Variants in ANAPC13 observed in about 807,000 individuals in gnomAD.
ANAPC13 encodes the protein anaphase-promoting complex subunit 13.
ANAPC13 carries 9 observed loss-of-function variants against 9.6 expected under a neutral mutation model. That is an observed-to-expected ratio of 0.94 (90% CI 0.57 to 1.64). The LOEUF is 1.64. Among genes scored for constraint, ANAPC13 ranks in the 40% most tolerant of loss-of-function variants. The pLI is 0.00. For synonymous variants in ANAPC13, 30 were observed against 29.7 expected, an observed-to-expected ratio of 1.01 and a Z score of -0.03; for missense variants, 75 against 85.3, an observed-to-expected ratio of 0.88 and a Z score of 0.48.
chr3:134,478,704 A>G lies in ANAPC13; in HGVS notation c.111T>C (p.Pro37=). 1 of 1,613,932 alleles carries G rather than the reference A, an allele frequency of 6.2e-7. No homozygotes were observed. Among genetic ancestry groups the G allele is most frequent in the Non-Finnish European group, 8.5e-7 (1 of 1,179,978 alleles). Residue 37 remains proline (P), a synonymous_variant, in exon 3 of 3, where the codon CCT becomes CCC. Transcript: ENST00000354910. ...EDVAIPLNEL[P]EPEQDNGGTT... ...TGCCACCATTGTCTTGTTCAGGTTC[A>G]GGAAGCTCATTCTGAAAAGGTACAA...
rs1934659124 is a variant in ANAPC13 at position 134,478,408 on chromosome 3, C to T, written c.*182G>A. On this transcript the variant is annotated 3_prime_UTR_variant, in exon 3 of 3. Coordinates refer to ENST00000354910, the MANE Select transcript of ANAPC13 (RefSeq NM_015391.4). The stretch of plus-strand genomic sequence containing the variant: ...TTAGGTTTAAAGAGCGAAATATTCA[C>T]CATTACTGAGAAATCTCAGTTTCTC... The T allele has an allele frequency of 2.6e-6, 2 of 761,342 alleles. No individual in the cohort carries two copies. The highest frequency in any genetic ancestry group is 4.2e-6 in the Non-Finnish European group (2 of 473,416). 47.2% of individuals were successfully genotyped at this position (761,342 alleles called of 1,614,324 possible). A position where few individuals can be genotyped will look rare whatever the true frequency, so the allele number is the denominator to read the frequency against.
Position 134,482,871 on chromosome 3 carries a change from A to G in ANAPC13, c.34T>C (p.Leu12=), listed in dbSNP as rs200574595. 13 of 1,614,080 alleles carry G rather than the reference A, an allele frequency of 8.1e-6. No homozygotes were observed. In the East Asian group the frequency reaches 2.5e-4, roughly 30 times the overall value. ...CGCCAAGCATCATCAATCAAATCCA[A>G]GATCCTTCCATCTCTCTGAACCTCA... The part of the protein sequence containing the change: ...DSEVQRDGRI[L]DLIDDAWRED... The change falls in exon 2 of 3, where the codon TTG becomes CTG. Residue 12 remains leucine, a synonymous_variant. Transcript: ENST00000354910.
intron 2 of ANAPC13, among the ~76,000 whole-genome samples, chr3:134,479,041 G>C (rs1279548647): frequency 6.6e-6 from 1 of 152,108 alleles, no homozygotes; most frequent in Non-Finnish European, 1.5e-5. Context: ...GGGTTACTTG[G>C]GCAAGGTATG....
intron 2 of ANAPC13, among the ~76,000 whole-genome samples, chr3:134,478,997 A>C (rs934719767): frequency 1.3e-5 from 2 of 152,234 alleles, no homozygotes; most frequent in East Asian, 1.9e-4. Flanking sequence ...TTGGAAGCCA[A>C]CTAGGATCCA....
At chr3:134,479,753 C>T (rs1048588169) in intron 2 of ANAPC13, among the ~76,000 whole-genome samples, 5 of 152,160 alleles carry the variant, frequency 3.3e-5, no homozygotes, top group Admixed American at 1.3e-4. Context: ...CAACAAAAAA[C>T]ACAACAAATG....
At position 134,485,964 on chromosome 3, in the gene ANAPC13, A is replaced by C. The variant is rs1576625786; in HGVS notation, c.-40T>G. The C allele has an allele frequency of 1.2e-4, 118 of 963,254 alleles. No individual in the cohort carries two copies. The highest frequency in any genetic ancestry group is 1.1e-3 in the Middle Eastern group (2 of 1,886). 59.7% of individuals were successfully genotyped at this position (963,254 alleles called of 1,614,324 possible). Reference sequence around the variant, plus strand: ...TGGAAACCCTTACCGGCACCCGGCCACCGCGGCAGACGCTTGCTCCTGCCA... The same window carrying C: ...TGGAAACCCTTACCGGCACCCGGCCCCCGCGGCAGACGCTTGCTCCTGCCA... On this transcript the variant is annotated 5_prime_UTR_variant, in exon 1 of 3. Coordinates refer to ENST00000354910, the MANE Select transcript of ANAPC13 (RefSeq NM_015391.4).
At chr3:134,484,330 A>G (rs1168820284) in intron 1 of ANAPC13, among the ~76,000 whole-genome samples, 1 of 152,020 alleles carries the variant, frequency 6.6e-6, no homozygotes, top group East Asian at 1.9e-4. Flanking sequence ...CAGTGAGCCG[A>G]GATAGCGCCA....
At chr3:134,479,418 A>G (rs1012572129) in intron 2 of ANAPC13, among the ~76,000 whole-genome samples, 1 of 151,638 alleles carries the variant, frequency 6.6e-6, no homozygotes, top group Non-Finnish European at 1.5e-5. Context: ...GCTCACCACA[A>G]CCTCTGCCTC....
At chr3:134,479,519 AT>A (rs1467461888) in intron 2 of ANAPC13, among the ~76,000 whole-genome samples, 2 of 149,864 alleles carry the variant, frequency 1.3e-5, no homozygotes, top group Non-Finnish European at 3.0e-5. Flanking sequence ...GTATTTTTTT[AT>A]TTTTTTTTAG....
intron 1 of ANAPC13, chr3:134,483,165 T>G: frequency 2.1e-6 from 1 of 477,894 alleles, no homozygotes; most frequent in East Asian, 3.2e-5. Flanking sequence ...TGTCATAGAG[T>G]GTGACAGGAG....
At chr3:134,485,991 G>GGGCCC, upstream of ANAPC13, 7 of 938,148 alleles carry the variant, frequency 7.5e-6, no homozygotes, top group South Asian at 4.9e-5. Context: ...CTCCTGCCAC[G>GGGCCC]CCCCCCCCCC....
intron 1 of ANAPC13, among the ~76,000 whole-genome samples, chr3:134,483,477 T>C (rs555482573): frequency 1.3e-5 from 2 of 152,330 alleles, no homozygotes; most frequent in East Asian, 3.9e-4. Flanking sequence ...TGCTAAAGTT[T>C]CTCCAGTTTC....
chr3:134,482,760 C>T, intron 2 of ANAPC13, 46 bp downstream of exon 2: 1 of 1,473,546 alleles, frequency 6.8e-7, no homozygotes. Flanking sequence ...CTAGTTACTG[C>T]CAGATCAATA....
In ANAPC13 at chr3:134,482,862, T is replaced by C; in HGVS notation, c.43A>G (p.Ile15Val). ...VQRDGRILDL[I>V]DDAWREDKLP... ...TTGTCTTCTCGCCAAGCATCATCAA[T>C]CAAATCCAAGATCCTTCCATCTCTC... Residue 15 changes from isoleucine (I) to valine (V), a missense_variant, in exon 2 of 3, where the codon ATT becomes GTT. Ile to Val is a conservative substitution (Grantham distance 29). Transcript: ENST00000354910. The C allele has an allele frequency of 6.2e-7, 1 of 1,614,234 alleles. No individual in the cohort carries two copies.
At chr3:134,479,457 C>T (rs1934688348) in intron 2 of ANAPC13, among the ~76,000 whole-genome samples, 1 of 152,086 alleles carries the variant, frequency 6.6e-6, no homozygotes, top group South Asian at 2.1e-4. Context: ...CCCGCCTCAG[C>T]CTCCCGAGTA....
intron 1 of ANAPC13, 39 bp from the exon 2 acceptor site, chr3:134,482,970 G>T: frequency 1.5e-6 from 2 of 1,306,646 alleles, no homozygotes; most frequent in Non-Finnish European, 1.1e-6. Context: ...CACGAAGACT[G>T]AAGAGATGGT....
At chr3:134,484,049 G>A (rs1934822624) in intron 1 of ANAPC13, among the ~76,000 whole-genome samples, 1 of 152,214 alleles carries the variant, frequency 6.6e-6, no homozygotes, top group Non-Finnish European at 1.5e-5. Flanking sequence ...GCCTAAGAAC[G>A]CTGAGGTTTG....
chr3:134,483,611 C>T (rs1284913366), intron 1 of ANAPC13, among the ~76,000 whole-genome samples: 2 of 152,178 alleles, frequency 1.3e-5, no homozygotes, highest in East Asian at 1.9e-4. Context: ...ATGGCTGATT[C>T]CCCATTTTTC....
At chr3:134,484,816 T>C (rs1221276131) in intron 1 of ANAPC13, among the ~76,000 whole-genome samples, 1 of 152,196 alleles carries the variant, frequency 6.6e-6, no homozygotes, top group Non-Finnish European at 1.5e-5. Flanking sequence ...TTTGTAAAGT[T>C]TTCTCAAATC....
Sources: allele counts gnomAD v4.1 joint callset (sites outside exome capture counted in the v4.1 genomes callset), GRCh38; gene constraint gnomAD v4.1.1; transcripts MANE v1.5; gene names NCBI Gene and HGNC (gene_info 2026-07-23, HGNC 2026-07-21).